Variants in EPHA6 observed in about 807,000 individuals in gnomAD.
The protein encoded by EPHA6 is EPH receptor A6, also known as ephrin type-A receptor 6.
Under a neutral mutation model 112.0 loss-of-function variants are expected in EPHA6, and 50 were observed. That is an observed-to-expected ratio of 0.45 (90% CI 0.36 to 0.56). EPHA6 has a LOEUF of 0.56. EPHA6 is among the 20% of genes least tolerant of loss of function. The pLI is 0.00. For synonymous variants in EPHA6, 529 were observed against 490.7 expected, an observed-to-expected ratio of 1.08 and a Z score of -1.03; for missense variants, 1,280 against 1,417.4, an observed-to-expected ratio of 0.90 and a Z score of 1.56.
intron 3 of EPHA6, among the ~76,000 whole-genome samples, chr3:97,107,987 G>A (rs1297330482): frequency 6.6e-6 from 1 of 152,110 alleles, no homozygotes; most frequent in African/African-American, 2.4e-5. Flanking sequence ...ACTATTCTAA[G>A]TGCTAGAATT....
At chr3:97,707,610 G>A (rs1417282793) in intron 14 of EPHA6, among the ~76,000 whole-genome samples, 2 of 152,174 alleles carry the variant, frequency 1.3e-5, no homozygotes, top group Non-Finnish European at 2.9e-5. Context: ...AGGATGAGTA[G>A]ACTGTCTTCC....
intron 2 of EPHA6, among the ~76,000 whole-genome samples, chr3:96,873,354 TG>T (rs1331004824): frequency 6.6e-6 from 1 of 152,118 alleles, no homozygotes; most frequent in Non-Finnish European, 1.5e-5. Context: ...TAAGTGGAGT[TG>T]TTCATTTTTC....
At chr3:97,565,750 G>A (rs1371572831) in intron 11 of EPHA6, among the ~76,000 whole-genome samples, 3 of 152,072 alleles carry the variant, frequency 2.0e-5, no homozygotes, top group Non-Finnish European at 4.4e-5. Context: ...CGGGCGTGGT[G>A]GCTCACACCT....
At chr3:97,185,153 G>T (rs1374139792) in intron 3 of EPHA6, among the ~76,000 whole-genome samples, 1 of 152,128 alleles carries the variant, frequency 6.6e-6, no homozygotes, top group Non-Finnish European at 1.5e-5. Flanking sequence ...ACATAGGCAT[G>T]GGCAAGGACT....
At chr3:97,126,756 C>T (rs545103839) in intron 3 of EPHA6, among the ~76,000 whole-genome samples, 1 of 151,200 alleles carries the variant, frequency 6.6e-6, no homozygotes, top group East Asian at 2.0e-4. Context: ...TACAGGAGAA[C>T]CAAATTAAAT....
At chr3:96,863,233 T>A (rs1370244263) in intron 1 of EPHA6, among the ~76,000 whole-genome samples, 1 of 151,972 alleles carries the variant, frequency 6.6e-6, no homozygotes, top group African/African-American at 2.4e-5. Flanking sequence ...TTTTTACTGA[T>A]GTTAATGCTG....
chr3:96,942,419 G>A (rs2041016135), intron 2 of EPHA6, among the ~76,000 whole-genome samples: 2 of 151,264 alleles, frequency 1.3e-5, no homozygotes, highest in Non-Finnish European at 1.5e-5. Context: ...CGAGCTAGGT[G>A]TGGGATATAA....
At chr3:97,300,710 A>G (rs1410145273) in intron 5 of EPHA6, among the ~76,000 whole-genome samples, 2 of 152,166 alleles carry the variant, frequency 1.3e-5, no homozygotes, top group Non-Finnish European at 2.9e-5. Flanking sequence ...CACCTGGCCT[A>G]TCAAAGGGAC....
intron 5 of EPHA6, among the ~76,000 whole-genome samples, chr3:97,264,031 A>T (rs2108625411): frequency 6.6e-6 from 1 of 152,350 alleles, no homozygotes; most frequent in East Asian, 1.9e-4. Context: ...AGAGCAAGAT[A>T]GTAAATATTT....
At chr3:97,085,950 C>CTATATATATATATATATATATATATAT (rs2046885999) in intron 3 of EPHA6, among the ~76,000 whole-genome samples, 1 of 107,562 alleles carries the variant, frequency 9.3e-6, no homozygotes, top group Non-Finnish European at 1.7e-5. Flanking sequence ...TATATATATA[C>CTATATATATATATATATATATATATAT]ACACTGAGAT....
At chr3:97,470,947 G>A (rs1285846601) in intron 7 of EPHA6, among the ~76,000 whole-genome samples, 1 of 151,470 alleles carries the variant, frequency 6.6e-6, no homozygotes, top group East Asian at 1.9e-4. Context: ...TTCTTTTTAG[G>A]GACAAGTTTG....
At chr3:97,742,435 C>T (rs1189963227) in intron 16 of EPHA6, among the ~76,000 whole-genome samples, 1 of 152,102 alleles carries the variant, frequency 6.6e-6, no homozygotes, top group African/African-American at 2.4e-5. Context: ...GCATCTGTTC[C>T]TCTTAATGTT....
chr3:97,175,239 A>G lies in EPHA6; in HGVS notation c.1115-51025A>G, dbSNP rs533978364. On this transcript the variant is annotated intron_variant, in intron 3 of 17. Transcript: ENST00000389672. ...TGGATTTGTTTCTGGGTTCTCTATT[A>G]TTTTCCATTGGTCTATGTTTCCATT... 2.0e-4 allele frequency among the ~76,000 whole-genome samples: 31 copies of G among 151,558 alleles called. No homozygotes were observed. The South Asian group carries it at 5.2e-3, about 25-fold the overall frequency.
At chr3:96,874,063 A>G (rs2036800602) in intron 2 of EPHA6, among the ~76,000 whole-genome samples, 1 of 152,126 alleles carries the variant, frequency 6.6e-6, no homozygotes, top group Non-Finnish European at 1.5e-5. Flanking sequence ...GACTTTAGTC[A>G]TTACGGTATA....
chr3:97,531,925 C>T lies in EPHA6; in HGVS notation c.2201-433C>T, dbSNP rs113099216. Among the ~76,000 whole-genome samples the T allele has an allele frequency of 5.2e-3, 793 of 152,074 alleles. 8 individuals are homozygous for T. The highest frequency in any genetic ancestry group is 0.018 in the African/African-American group (754 of 41,524). On this transcript the variant is annotated intron_variant, in intron 10 of 17. Coordinates refer to ENST00000389672, the MANE Select transcript of EPHA6 (RefSeq NM_001080448.3). ...AACATTAATTTCTAACTGTCAATGA[C>T]GCCCAGTCATATGACCTAGGGGATC...
intron 2 of EPHA6, among the ~76,000 whole-genome samples, chr3:96,974,653 G>C (rs2042450597): frequency 1.3e-5 from 2 of 152,026 alleles, no homozygotes; most frequent in Non-Finnish European, 2.9e-5. Context: ...TGGATAAATA[G>C]AACAGAGAGA....
intron 3 of EPHA6, among the ~76,000 whole-genome samples, chr3:97,032,029 A>C (rs1421919710): frequency 6.6e-6 from 1 of 152,200 alleles, no homozygotes; most frequent in Non-Finnish European, 1.5e-5. Flanking sequence ...TCACAATAGC[A>C]AAGACTTGGA....
intron 5 of EPHA6, among the ~76,000 whole-genome samples, chr3:97,278,987 T>C (rs994961676): frequency 3.2e-4 from 48 of 152,202 alleles, no homozygotes; most frequent in African/African-American, 1.2e-3. Flanking sequence ...GTGTGGGCTC[T>C]TTATCTCTTG....
chr3:96,877,578 A>G (rs1181638388), intron 2 of EPHA6, among the ~76,000 whole-genome samples: 2 of 151,038 alleles, frequency 1.3e-5, no homozygotes, highest in South Asian at 4.2e-4. Context: ...TGAGTGATAG[A>G]TGGACCGCAA....
Sources: gnomAD v4.1 joint callset for allele counts (sites outside exome capture counted in the v4.1 genomes callset) on GRCh38, gnomAD v4.1.1 for gene constraint, MANE v1.5 for transcripts, NCBI Gene and HGNC (gene_info 2026-07-23, HGNC 2026-07-21) for gene names.